OCA2: variants seen among roughly 807,000 people sequenced by gnomAD.
OCA2 encodes OCA2 melanosomal transmembrane protein.
In OCA2, 77 loss-of-function variants were observed where a neutral mutation model predicts 100.2. The ratio of observed to expected loss-of-function variants is 0.77; its 90% CI spans 0.64 to 0.93. The LOEUF (loss-of-function observed/expected upper bound fraction) is 0.93. Among genes scored for constraint, OCA2 ranks in the 40% least tolerant of loss-of-function variants. The probability of loss-of-function intolerance (pLI) is 0.00; values close to 1 mark genes in which losing one functional copy is unlikely to be tolerated. For synonymous variants in OCA2, 432 were observed against 439.2 expected (o/e 0.98, Z 0.21); for missense variants, 1,062 against 1,089.1 (o/e 0.98, Z 0.35).
At position 28,063,587 on chromosome 15, in the gene OCA2, C is replaced by A. The variant is rs2043938745; in HGVS notation, c.227+18061G>T. Among the ~76,000 whole-genome samples, 3 of 151,296 alleles carry A rather than the reference C, an allele frequency of 2.0e-5. No individual in the cohort carries two copies. In the South Asian group the frequency reaches 6.3e-4, roughly 32 times the overall value. On this transcript the variant is annotated intron_variant, in intron 2 of 23. Transcript: ENST00000354638. ...TACTATATGTTATTTTAGTTATTTT[C>A]TTGTGATTGCTGAGAGGATTACAAT...
In OCA2 at chr15:27,966,925, G is replaced by A. The variant is rs1320896273; in HGVS notation, c.1504-103C>T. ...TGGGTGGATCACGAGGTCCGGAGATGGAGACCATCCTGGCTAACACAGTGA... is the reference window on the plus strand; with the variant it reads ...TGGGTGGATCACGAGGTCCGGAGATAGAGACCATCCTGGCTAACACAGTGA... On this transcript the variant is annotated intron_variant, in intron 14 of 23. Transcript: ENST00000354638. 23 of 1,272,590 alleles carry A rather than the reference G, an allele frequency of 1.8e-5. No individual in the cohort carries two copies. The South Asian group carries it at 2.7e-4, about 15-fold the overall frequency. 78.8% of individuals were successfully genotyped at this position (1,272,590 alleles called of 1,614,324 possible).
At chr15:27,772,847 A>C (rs2031967265) in intron 23 of OCA2, among the ~76,000 whole-genome samples, 1 of 151,724 alleles carries the variant, frequency 6.6e-6, no homozygotes, top group Non-Finnish European at 1.5e-5. Flanking sequence ...TCTCAAAAAA[A>C]AAAAAAAGGA....
At chr15:28,032,985 A>AAGCT (rs781727862) in intron 2 of OCA2, among the ~76,000 whole-genome samples, 4 of 152,192 alleles carry the variant, frequency 2.6e-5, no homozygotes, top group Non-Finnish European at 5.9e-5. Flanking sequence ...GGCAAGGAGG[A>AAGCT]AGCTCTCCAA....
In OCA2 at chr15:28,091,674, G is replaced by A. The variant is rs143668096; in HGVS notation, c.-22+7550C>T. On this transcript the variant is annotated intron_variant, in intron 1 of 23. Coordinates refer to ENST00000354638, the MANE Select transcript of OCA2 (RefSeq NM_000275.3). ...AATACCCTAAAAGTGGAAAGCACCC[G>A]GCCCTGCACGGTGGCTCACATCTGT... is the stretch of plus-strand genomic sequence containing the variant. Among the ~76,000 whole-genome samples, 368 of 152,274 alleles carry A rather than the reference G, an allele frequency of 2.4e-3. 3 individuals are homozygous for A. The highest frequency in any genetic ancestry group is 0.014 in the Middle Eastern group (4 of 294).
At chr15:28,091,785 G>A (rs1166500514) in intron 1 of OCA2, among the ~76,000 whole-genome samples, 6 of 151,358 alleles carry the variant, frequency 4.0e-5, no homozygotes, top group Non-Finnish European at 7.4e-5. Context: ...GCGAAACCTC[G>A]TCTCTACTAA....
the OCA2 span, among the ~76,000 whole-genome samples, chr15:27,722,714 TTCTC>T: frequency 1.8e-3 from 185 of 101,088 alleles, 1 homozygote; most frequent in African/African-American, 5.7e-3. Context: ...CTTCCTTTCT[TTCTC>T]TCTTTCTTCT....
intron 23 of OCA2, among the ~76,000 whole-genome samples, chr15:27,768,915 T>C (rs751754695): frequency 3.3e-5 from 5 of 152,322 alleles, no homozygotes; most frequent in South Asian, 2.1e-4. Context: ...AGCAGCTTGA[T>C]TGGAGCTTCA....
intron 18 of OCA2, among the ~76,000 whole-genome samples, chr15:27,932,997 GGAATA>G (rs1421924954): frequency 6.6e-6 from 1 of 151,982 alleles, no homozygotes; most frequent in East Asian, 1.9e-4. Flanking sequence ...ACAGGCTAAT[GGAATA>G]GAATATAGAG....
At chr15:28,025,555 A>G (rs2042724701) in intron 4 of OCA2, among the ~76,000 whole-genome samples, 1 of 152,016 alleles carries the variant, frequency 6.6e-6, no homozygotes, top group Non-Finnish European at 1.5e-5. Flanking sequence ...CATCCTACCA[A>G]CGTCCTTGCT....
chr15:28,063,872 A>C (rs2043948788), intron 2 of OCA2, among the ~76,000 whole-genome samples: 1 of 152,158 alleles, frequency 6.6e-6, no homozygotes, highest in Admixed American at 6.5e-5. Flanking sequence ...TTTCCTATAC[A>C]GATTTCTTTA....
intron 2 of OCA2, among the ~76,000 whole-genome samples, chr15:28,047,492 C>T (rs893422563): frequency 2.0e-5 from 3 of 152,132 alleles, no homozygotes; most frequent in Non-Finnish European, 2.9e-5. Flanking sequence ...CAGGGAAACA[C>T]GTGGTCTAGG....
intron 2 of OCA2, among the ~76,000 whole-genome samples, chr15:28,078,035 C>T (rs1427757546): frequency 1.3e-5 from 2 of 152,220 alleles, no homozygotes; most frequent in Non-Finnish European, 2.9e-5. Context: ...GCCGAGATTG[C>T]ACCACTGCAC....
chr15:27,749,595 A>T, the OCA2 span, among the ~76,000 whole-genome samples: 2,120 of 152,248 alleles, frequency 0.014, 46 homozygotes, highest in African/African-American at 0.048. Context: ...AAAAATACCA[A>T]GGAATTTTTT....
rs200633980 is a variant in OCA2 at position 27,954,116 on chromosome 15, T to TACACACACACAC, written c.1842+1030_1842+1041dup. On this transcript the variant is annotated intron_variant, in intron 17 of 23. Transcript: ENST00000354638. The stretch of plus-strand genomic sequence containing the variant: ...TATGGCTGAGTAGTATTCCATGGCA[T>TACACACACACAC]ACACACACACACACACACACACACA... 2.5e-3 allele frequency among the ~76,000 whole-genome samples: 118 copies of TACACACACACAC among 46,490 alleles called. 1 individual carries two copies. The highest frequency in any genetic ancestry group is 4.1e-3 in the African/African-American group (113 of 27,446). 30.5% of individuals were successfully genotyped at this position (46,490 alleles called of 152,430 possible). A position where few individuals can be genotyped will look rare whatever the true frequency, so the allele number is the denominator to read the frequency against.
intron 23 of OCA2, among the ~76,000 whole-genome samples, chr15:27,757,231 T>A (rs902185282): frequency 6.6e-6 from 1 of 152,240 alleles, no homozygotes; most frequent in African/African-American, 2.4e-5. Flanking sequence ...TTAAGAGTGA[T>A]TAAGAGTGTG....
At position 27,818,660 on chromosome 15, in the gene OCA2, A is replaced by AAGGG. The variant is rs908455110; in HGVS notation, c.2432+26298_2432+26299insCCCT. Among the ~76,000 whole-genome samples the AAGGG allele has an allele frequency of 9.6e-4, 146 of 152,260 alleles. 1 individual carries two copies. Among genetic ancestry groups the AAGGG allele is most frequent in the African/African-American group, 3.4e-3 (141 of 41,550 alleles). On this transcript the variant is annotated intron_variant, in intron 23 of 23. Transcript: ENST00000354638. ...GTGAGGATGCAGCTGGGCAAAACTG[A>AAGGG]ATGGAAAGTCTCTGAGAGACCATGG...
intron 19 of OCA2, among the ~76,000 whole-genome samples, chr15:27,879,381 T>C (rs1238105957): frequency 6.6e-6 from 1 of 152,180 alleles, no homozygotes; most frequent in Admixed American, 6.5e-5. Flanking sequence ...AGCAATGGAA[T>C]TGCTGGGTCA....
intron 7 of OCA2, 140 bp from the exon 8 acceptor site, chr15:28,016,326 C>T: frequency 1.4e-6 from 1 of 734,334 alleles, no homozygotes; most frequent in Non-Finnish European, 2.4e-6. Flanking sequence ...TATTTGAGCT[C>T]TCACATCTCT....
At chr15:27,805,002 G>A (rs1212215068) in intron 23 of OCA2, among the ~76,000 whole-genome samples, 2 of 152,210 alleles carry the variant, frequency 1.3e-5, no homozygotes, top group Admixed American at 6.5e-5. Context: ...ACTAACCACC[G>A]AGCTGCGTGG....
Sources: gnomAD v4.1 joint callset for allele counts (sites outside exome capture counted in the v4.1 genomes callset) on GRCh38, gnomAD v4.1.1 for gene constraint, MANE v1.5 for transcripts, NCBI Gene and HGNC (gene_info 2026-07-23, HGNC 2026-07-21) for gene names.